The following MEGF10 variants were observed in gnomAD, a reference collection of about 807,000 sequenced individuals.
The protein encoded by MEGF10 is multiple EGF like domains 10.
MEGF10 carries 86 observed loss-of-function variants against 147.5 expected under a neutral mutation model. The observed-to-expected ratio is 0.58, with a 90% confidence interval of 0.49 to 0.70. The LOEUF is 0.70. MEGF10 is among the 30% of genes least tolerant of loss of function. MEGF10 has a pLI of 0.00. For synonymous variants in MEGF10, 478 were observed against 525.5 expected (o/e 0.91, Z 1.24); for missense variants, 1,329 against 1,487.3 (o/e 0.89, Z 1.75).
rs1379441122 is a variant in MEGF10, at chr5:127,422,531, T to A, written c.1591-139T>A. The A allele has an allele frequency of 4.8e-6, 3 of 618,706 alleles. No individual in the cohort carries two copies. The African/African-American group carries it at 5.6e-5, about 12-fold the overall frequency. 38.3% of individuals were successfully genotyped at this position (618,706 alleles called of 1,614,324 possible). ...TCCATCTCAAAAAAAAAGAAAAAAATAAATAAAGATACATCCCTGTAAGAA... is the reference window on the plus strand; with the variant it reads ...TCCATCTCAAAAAAAAAGAAAAAAAAAAATAAAGATACATCCCTGTAAGAA... On this transcript the variant is annotated intron_variant, in intron 12 of 24. Transcript: ENST00000503335.
At position 127,331,328 on chromosome 5, in the gene MEGF10, C is replaced by T; in HGVS notation, c.20C>T (p.Ser7Leu). MVISLNSCLSFICLLLC... is the reference protein window; with the variant it reads MVISLNLCLSFICLLLC... Reference sequence around the variant, plus strand: ...AAAAAAATGGTTATTTCTTTGAACTCATGCCTGAGCTTTATTTGTTTATTG... The same window carrying T: ...AAAAAAATGGTTATTTCTTTGAACTTATGCCTGAGCTTTATTTGTTTATTG... Residue 7 changes from serine (S) to leucine (L), a missense_variant, in exon 2 of 25, where the codon TCA (serine) becomes TTA (leucine). This residue lies in a region of MEGF10 where 980 missense variants were observed against 1,085.9 expected (regional missense o/e 0.90). Coordinates refer to ENST00000503335, the MANE Select transcript of MEGF10 (RefSeq NM_001256545.2). 6.2e-7 allele frequency: 1 copy of T among 1,610,608 alleles called. No individual in the cohort carries two copies. Among genetic ancestry groups the T allele is most frequent in the South Asian group, 1.1e-5 (1 of 90,610 alleles).
intron 22 of MEGF10, 135 bp downstream of exon 22, chr5:127,449,357 C>T (rs1766072043): frequency 5.1e-6 from 6 of 1,184,802 alleles, no homozygotes; most frequent in Middle Eastern, 2.9e-4. Flanking sequence ...TTATGCCTAA[C>T]ACCTGTACAG....
intron 4 of MEGF10, among the ~76,000 whole-genome samples, chr5:127,347,304 C>G (rs1761926861): frequency 1.3e-5 from 2 of 151,924 alleles, no homozygotes; most frequent in South Asian, 4.1e-4. Context: ...TGTCACATAA[C>G]TGCCTCTTAT....
intron 4 of MEGF10, among the ~76,000 whole-genome samples, chr5:127,344,252 C>G (rs1295524002): frequency 2.6e-5 from 4 of 152,008 alleles, no homozygotes; most frequent in African/African-American, 9.7e-5. Flanking sequence ...GTCTAAGTAT[C>G]TTTTTTAATG....
chr5:127,421,175 T>C (rs1561636917), intron 12 of MEGF10, among the ~76,000 whole-genome samples: 1 of 152,236 alleles, frequency 6.6e-6, no homozygotes, highest in African/African-American at 2.4e-5. Flanking sequence ...CCTATCTGAT[T>C]GTAGACAAAG....
At chr5:127,415,595 A>C (rs1304984180) in intron 9 of MEGF10, among the ~76,000 whole-genome samples, 1 of 152,128 alleles carries the variant, frequency 6.6e-6, no homozygotes, top group African/African-American at 2.4e-5. Flanking sequence ...GTGATGAGGC[A>C]GAAGAAGTTA....
At chr5:127,386,562 AG>A (rs1253150495) in intron 5 of MEGF10, among the ~76,000 whole-genome samples, 3 of 152,216 alleles carry the variant, frequency 2.0e-5, no homozygotes, top group African/African-American at 7.2e-5. Context: ...CTAAATGTAA[AG>A]TAGTTCTGGG....
rs1441414843 is a variant in MEGF10 at position 127,340,616 on chromosome 5, G to C, written c.305G>C (p.Gly102Ala). ...TGTTGTCCTGGATTTTATGAAAGCG[G>C]GGAAATGTGTGTCCGTAAGTAAGAC... ...SQCCPGFYES[G>A]EMCVPHCADK... is the part of the protein sequence containing the mutation. Residue 102 changes from glycine (G) to alanine (A), a missense_variant, in exon 4 of 25, where the codon GGG (glycine) becomes GCG (alanine). Physicochemically the swap from Gly to Ala is moderately conservative, Grantham distance 60. This residue lies in a region of MEGF10 where 980 missense variants were observed against 1,085.9 expected (regional missense o/e 0.90). Transcript: ENST00000503335. The C allele has an allele frequency of 6.2e-7, 1 of 1,612,538 alleles. No individual in the cohort carries two copies. Among genetic ancestry groups the C allele is most frequent in the East Asian group, 2.2e-5 (1 of 44,846 alleles).
At chr5:127,302,839 C>T (rs77761124) in intron 1 of MEGF10, among the ~76,000 whole-genome samples, 2,237 of 152,224 alleles carry the variant, frequency 0.015, 68 homozygotes, top group East Asian at 0.11. Context: ...GAATCCGTCT[C>T]AGAAGGAGAG....
chr5:127,422,132 G>A (rs909201660), intron 12 of MEGF10, among the ~76,000 whole-genome samples: 8 of 152,076 alleles, frequency 5.3e-5, no homozygotes, highest in African/African-American at 1.9e-4. Context: ...CAACCGTTGT[G>A]TCAGGCATAA....
At chr5:127,318,880 C>G (rs909756304) in intron 1 of MEGF10, among the ~76,000 whole-genome samples, 1 of 152,152 alleles carries the variant, frequency 6.6e-6, no homozygotes, top group Non-Finnish European at 1.5e-5. Context: ...AAGCAATGCA[C>G]AATTGCCTAA....
At chr5:127,277,589 A>G in the MEGF10 span, among the ~76,000 whole-genome samples, 1 of 152,206 alleles carries the variant, frequency 6.6e-6, no homozygotes, top group Non-Finnish European at 1.5e-5. Flanking sequence ...GAGAAACATG[A>G]TCTAACTTAT....
chr5:127,271,125 G>A, the MEGF10 span, among the ~76,000 whole-genome samples: 94 of 152,288 alleles, frequency 6.2e-4, no homozygotes, highest in African/African-American at 2.3e-3. Flanking sequence ...GTAGGTCTTT[G>A]AGGAATTACC....
At chr5:127,349,573 C>CA (rs1326874555) in intron 4 of MEGF10, among the ~76,000 whole-genome samples, 1 of 152,104 alleles carries the variant, frequency 6.6e-6, no homozygotes, top group African/African-American at 2.4e-5. Flanking sequence ...TTAAGTCCTT[C>CA]ATATAAGTGG....
At chr5:127,335,604 A>G (rs1761429835) in intron 2 of MEGF10, among the ~76,000 whole-genome samples, 1 of 152,202 alleles carries the variant, frequency 6.6e-6, no homozygotes, top group South Asian at 2.1e-4. Flanking sequence ...AAATAGGTGT[A>G]GTCACTTACA....
chr5:127,250,722 G>C, the MEGF10 span, among the ~76,000 whole-genome samples: 1 of 151,660 alleles, frequency 6.6e-6, no homozygotes, highest in African/African-American at 2.4e-5. Flanking sequence ...ATAAAGAAAA[G>C]ACACAGATAT....
intron 1 of MEGF10, among the ~76,000 whole-genome samples, chr5:127,326,492 T>C (rs1480570274): frequency 6.6e-6 from 1 of 152,180 alleles, no homozygotes; most frequent in Non-Finnish European, 1.5e-5. Context: ...AACTAGTATT[T>C]CCATGGAAGT....
the MEGF10 span, among the ~76,000 whole-genome samples, chr5:127,257,745 A>T: frequency 6.6e-6 from 1 of 152,184 alleles, no homozygotes; most frequent in Non-Finnish European, 1.5e-5. Context: ...GCATTATAAG[A>T]AAGCTTTGTT....
chr5:127,313,711 T>G (rs567563595), intron 1 of MEGF10, among the ~76,000 whole-genome samples: 1 of 152,302 alleles, frequency 6.6e-6, no homozygotes, highest in South Asian at 2.1e-4. Flanking sequence ...CAGACTCAGA[T>G]TTTGCCACAT....
Sources: gnomAD v4.1 joint callset for allele counts (sites outside exome capture counted in the v4.1 genomes callset) on GRCh38, gnomAD v4.1.1 for gene constraint, gnomAD v4.1.1 regional missense constraint, MANE v1.5 for transcripts, NCBI Gene and HGNC (gene_info 2026-07-23, HGNC 2026-07-21) for gene names.